CRIM1: variants seen among roughly 807,000 people sequenced by gnomAD.
CRIM1 encodes the protein cysteine rich transmembrane BMP regulator 1.
Under a neutral mutation model 116.4 loss-of-function variants are expected in CRIM1, and 32 were observed. The observed-to-expected ratio is 0.27, with a 90% confidence interval of 0.21 to 0.37. The LOEUF (loss-of-function observed/expected upper bound fraction) is 0.37. CRIM1 is among the 10% of genes least tolerant of loss of function. CRIM1 has a pLI of 1.00. For synonymous variants in CRIM1, 590 were observed against 509.2 expected (o/e 1.16, Z -2.13); for missense variants, 1,331 against 1,354.8 (o/e 0.98, Z 0.28).
chr2:36,538,646 A>G (rs2125171244), intron 14 of CRIM1, among the ~76,000 whole-genome samples: 1 of 152,292 alleles, frequency 6.6e-6, no homozygotes, highest in Non-Finnish European at 1.5e-5. Flanking sequence ...CCAATTGAGC[A>G]TTTCTAAAAA....
rs1353756176 is a variant in CRIM1 at position 36,522,114 on chromosome 2, G to A, written c.2229G>A (p.Leu743=). The part of the protein sequence containing the change: ...QCTDQPFRPS[L]SRNNSVPNYC... ...CAGATCAACCTTTTCGGCCTTCCTT[G>A]TCCCGCAATAACAGCGTACCTAATT... Residue 743 remains leucine (L), a synonymous_variant, in exon 13 of 17, where the codon TTG becomes TTA. Transcript: ENST00000280527. The A allele has an allele frequency of 6.2e-7, 1 of 1,614,110 alleles. No individual in the cohort carries two copies. The highest frequency in any genetic ancestry group is 8.5e-7 in the Non-Finnish European group (1 of 1,179,996).
Position 36,544,461 on chromosome 2 carries a change from C to T in CRIM1, c.2709C>T (p.Pro903=). The part of the protein sequence containing the change: ...GEVDLEVPLW[P]TPSENDIVHL... ...TTGACCTGGAGGTTCCCCTGTGGCC[C>T]ACGCCTAGTGAAAATGATATCGTCC... The change falls in exon 15 of 17, where the codon CCC becomes CCT. Residue 903 remains proline, a synonymous_variant. Transcript: ENST00000280527. 7.1e-7 allele frequency: 1 copy of T among 1,404,062 alleles called. No individual in the cohort carries two copies. The highest frequency in any genetic ancestry group is 1.5e-5 in the African/African-American group (1 of 67,916). 87.0% of individuals were successfully genotyped at this position (1,404,062 alleles called of 1,614,324 possible).
At chr2:36,528,583 T>C (rs1019871560) in intron 13 of CRIM1, among the ~76,000 whole-genome samples, 3 of 152,224 alleles carry the variant, frequency 2.0e-5, no homozygotes, top group African/African-American at 7.2e-5. Flanking sequence ...GTGGCATTTA[T>C]CATCAGGGCG....
In CRIM1 at chr2:36,550,548, ATTAAT is replaced by A. The variant is rs1378950294; in HGVS notation, c.*1851_*1855del. On this transcript the variant is annotated 3_prime_UTR_variant, in exon 17 of 17. Coordinates refer to ENST00000280527, the MANE Select transcript of CRIM1 (RefSeq NM_016441.3). ...CAGAGGTTGCTGAACTTTAAAAAAA[ATTAAT>A]TTATTATTATAATGACCTAATTTAT... The A allele has an allele frequency of 2.6e-5, 4 of 152,534 alleles. No individual in the cohort carries two copies. The highest frequency in any genetic ancestry group is 5.9e-5 in the Non-Finnish European group (4 of 68,018). The allele number at this position is 152,534 out of a possible 1,614,324, so 9.4% of individuals were successfully genotyped here.
chr2:36,393,380 G>A (rs1671768270), intron 1 of CRIM1, among the ~76,000 whole-genome samples: 1 of 151,948 alleles, frequency 6.6e-6, no homozygotes, highest in Non-Finnish European at 1.5e-5. Flanking sequence ...TTGTATATAT[G>A]TGTGTGTATA....
chr2:36,526,707 G>T (rs535466507), intron 13 of CRIM1, among the ~76,000 whole-genome samples: 2 of 152,132 alleles, frequency 1.3e-5, no homozygotes, highest in African/African-American at 4.8e-5. Flanking sequence ...GCTTCTGGAG[G>T]GGGGACCGTG....
chr2:36,374,756 A>G (rs1035343694), intron 1 of CRIM1, among the ~76,000 whole-genome samples: 1 of 152,120 alleles, frequency 6.6e-6, no homozygotes. Context: ...GCGTGCTCCA[A>G]ACAGATAGCT....
intron 5 of CRIM1, among the ~76,000 whole-genome samples, chr2:36,476,303 A>G (rs1013156461): frequency 6.6e-6 from 1 of 152,146 alleles, no homozygotes; most frequent in Non-Finnish European, 1.5e-5. Context: ...TTTTAAACTC[A>G]GGATAATAAT....
chr2:36,377,709 T>C (rs1036532776), intron 1 of CRIM1, among the ~76,000 whole-genome samples: 4 of 152,216 alleles, frequency 2.6e-5, no homozygotes, highest in Admixed American at 1.3e-4. Context: ...AACTATGGTT[T>C]ATACATAGCA....
chr2:36,402,772 G>A (rs1672514617), intron 2 of CRIM1, among the ~76,000 whole-genome samples: 1 of 151,114 alleles, frequency 6.6e-6, no homozygotes, highest in Non-Finnish European at 1.5e-5. Context: ...TGTTAATATG[G>A]ATGTTGAGGG....
chr2:36,542,718 G>C (rs1465175142), intron 14 of CRIM1, among the ~76,000 whole-genome samples: 3 of 152,182 alleles, frequency 2.0e-5, no homozygotes, highest in African/African-American at 7.2e-5. Context: ...GGGCAGAAGG[G>C]TGTGTGTGGC....
Position 36,512,255 on chromosome 2 carries a change from A to G in CRIM1, c.1659-18A>G. 1 of 1,608,588 alleles carries G rather than the reference A, an allele frequency of 6.2e-7. No individual in the cohort carries two copies. Among genetic ancestry groups the G allele is most frequent in the Non-Finnish European group, 8.5e-7 (1 of 1,175,302 alleles). On this transcript the variant is annotated intron_variant, in intron 9 of 16. Transcript: ENST00000280527. Reference sequence around the variant, plus strand: ...ACTTTGTGATTTTCTGACCTCTGACAAAATTTTAATTACCCAGGAAGAATA... The same window carrying G: ...ACTTTGTGATTTTCTGACCTCTGACGAAATTTTAATTACCCAGGAAGAATA...
At chr2:36,499,483 T>C (rs548647212) in intron 8 of CRIM1, 136 bp downstream of exon 8, 5 of 835,458 alleles carry the variant, frequency 6.0e-6, no homozygotes, top group East Asian at 2.7e-5. Context: ...AAAAAAGTTA[T>C]TTTTAACACA....
chr2:36,489,826 C>G (rs1398800531), intron 7 of CRIM1, among the ~76,000 whole-genome samples: 1 of 152,174 alleles, frequency 6.6e-6, no homozygotes, highest in Admixed American at 6.5e-5. Flanking sequence ...AGGGGCCAGG[C>G]ACACAGAGTC....
chr2:36,357,183 C>T (rs1668900032), intron 1 of CRIM1, among the ~76,000 whole-genome samples: 1 of 152,174 alleles, frequency 6.6e-6, no homozygotes. Context: ...GCAGATAAAT[C>T]AGTTTCAGCC....
intron 1 of CRIM1, among the ~76,000 whole-genome samples, chr2:36,364,411 A>G (rs541846872): frequency 1.3e-5 from 2 of 152,348 alleles, no homozygotes; most frequent in South Asian, 2.1e-4. Flanking sequence ...CCATGATCTG[A>G]TGGTAAACTG....
intron 15 of CRIM1, among the ~76,000 whole-genome samples, chr2:36,545,179 A>T (rs1030561277): frequency 6.6e-6 from 1 of 152,162 alleles, no homozygotes; most frequent in South Asian, 2.1e-4. Context: ...AATCATTGCT[A>T]TATAACTTAT....
chr2:36,463,390 A>AT lies in CRIM1; in HGVS notation c.870-1143dup, dbSNP rs1289453322. ...AAAAGCACAATTAATGAATGTATTG[A>AT]TAGTTTTCCCTGCTGGGAACATTAC... is the stretch of plus-strand genomic sequence containing the variant. On this transcript the variant is annotated intron_variant, in intron 4 of 16. Coordinates refer to ENST00000280527, the MANE Select transcript of CRIM1 (RefSeq NM_016441.3). Among the ~76,000 whole-genome samples, 5 of 152,338 alleles carry AT rather than the reference A, an allele frequency of 3.3e-5. No homozygotes were observed. The East Asian group carries it at 9.6e-4, about 29-fold the overall frequency.
chr2:36,376,428 C>T (rs1483689044), intron 1 of CRIM1, among the ~76,000 whole-genome samples: 1 of 152,204 alleles, frequency 6.6e-6, no homozygotes, highest in Non-Finnish European at 1.5e-5. Context: ...CCCTGGACTG[C>T]ATTTCCTTGC....
Sources: gnomAD v4.1 joint callset for allele counts (sites outside exome capture counted in the v4.1 genomes callset) on GRCh38, gnomAD v4.1.1 for gene constraint, MANE v1.5 for transcripts, NCBI Gene and HGNC (gene_info 2026-07-23, HGNC 2026-07-21) for gene names.